GSN: variants seen among roughly 807,000 people sequenced by gnomAD.
The protein encoded by GSN is actin-depolymerizing factor.
GSN carries 56 observed loss-of-function variants against 85.7 expected under a neutral mutation model. That is an observed-to-expected ratio of 0.65 (90% CI 0.53 to 0.82). The LOEUF is 0.82. Ranked by LOEUF, GSN falls within the 40% of genes least tolerant of loss-of-function variation. The pLI, the probability that GSN is intolerant of heterozygous loss-of-function variation, is 0.00. For missense variants in GSN, 857 were observed against 979.8 expected, an observed-to-expected ratio of 0.87 and a Z score of 1.67; for synonymous variants, 373 against 399.1, an observed-to-expected ratio of 0.93 and a Z score of 0.78.
At position 121,312,753 on chromosome 9, in the gene GSN, G is replaced by A. The variant is rs143838857; in HGVS notation, c.663+265G>A. 472 of 270,524 alleles carry A rather than the reference G, an allele frequency of 1.7e-3. 5 individuals carry two copies. The highest frequency in any genetic ancestry group is 0.01 in the Admixed American group (201 of 19,882). 16.8% of individuals were successfully genotyped at this position (270,524 alleles called of 1,614,324 possible). Reference sequence around the variant, plus strand: ...AGTGATCCTCCTGCCTCAGCCTCCCGAGTAGCTGGGACCACAGGCGAGTGC... The same window carrying A: ...AGTGATCCTCCTGCCTCAGCCTCCCAAGTAGCTGGGACCACAGGCGAGTGC... On this transcript the variant is annotated intron_variant, in intron 6 of 17. Coordinates refer to ENST00000432226, the MANE Select transcript of GSN (RefSeq NM_198252.3).
intron 5 of GSN, among the ~76,000 whole-genome samples, chr9:121,244,898 G>A (rs1347692639): frequency 2.0e-5 from 3 of 151,956 alleles, no homozygotes; most frequent in Non-Finnish European, 4.4e-5. Flanking sequence ...TAGCAAAAGG[G>A]AAAGAATAGA....
At chr9:121,250,102 A>G (rs568939395) in intron 6 of GSN, among the ~76,000 whole-genome samples, 2 of 152,194 alleles carry the variant, frequency 1.3e-5, no homozygotes, top group Admixed American at 1.3e-4. Context: ...TCGTACTTTC[A>G]TACATTTGTC....
upstream of GSN, among the ~76,000 whole-genome samples, chr9:121,205,097 A>G (rs2053861433): frequency 6.6e-6 from 1 of 150,936 alleles, no homozygotes; most frequent in African/African-American, 2.4e-5. Flanking sequence ...ACCTTCTAGC[A>G]GGGAATTTGA....
At chr9:121,258,266 C>T (rs2055007824) in intron 6 of GSN, among the ~76,000 whole-genome samples, 1 of 152,186 alleles carries the variant, frequency 6.6e-6, no homozygotes, top group South Asian at 2.1e-4. Flanking sequence ...AGGCCAAGGC[C>T]ATCCTGGCCA....
chr9:121,232,982 C>A (rs1370781735), intron 5 of GSN, among the ~76,000 whole-genome samples: 1 of 152,198 alleles, frequency 6.6e-6, no homozygotes, highest in East Asian at 1.9e-4. Context: ...AAGACGGCTA[C>A]AAATTCCCTA....
intron 4 of GSN, chr9:121,222,957 CT>C (rs1478883781): frequency 6.6e-6 from 1 of 152,114 alleles, no homozygotes; most frequent in Non-Finnish European, 1.5e-5. Flanking sequence ...TGATTCTTCC[CT>C]TTGGGTGCGT....
At chr9:121,204,417 TA>T (rs1372034220), upstream of GSN, among the ~76,000 whole-genome samples, 32 of 152,376 alleles carry the variant, frequency 2.1e-4, no homozygotes, top group African/African-American at 7.2e-4. Context: ...TGAAAGACAT[TA>T]CACTTTGATG....
chr9:121,322,351 A>G (rs369797529), intron 11 of GSN, among the ~76,000 whole-genome samples: 3 of 152,246 alleles, frequency 2.0e-5, no homozygotes, highest in Admixed American at 2.0e-4. Context: ...CAATAATGTC[A>G]GTACATAGAG....
intron 5 of GSN, chr9:121,239,708 G>C: frequency 3.3e-6 from 1 of 302,828 alleles, no homozygotes; most frequent in East Asian, 9.5e-5. Flanking sequence ...GAGGACCTCT[G>C]TCAATGGGTT....
chr9:121,322,471 T>A (rs2062599664), intron 11 of GSN, among the ~76,000 whole-genome samples: 1 of 152,246 alleles, frequency 6.6e-6, no homozygotes, highest in East Asian at 1.9e-4. Flanking sequence ...TTGATTCCAG[T>A]CTTTCTCTAT....
chr9:121,326,449 C>A, intron 12 of GSN, 63 bp from the exon 13 acceptor site: 1 of 1,368,750 alleles, frequency 7.3e-7, no homozygotes, highest in Non-Finnish European at 1.0e-6. Flanking sequence ...GGGCCCAGTG[C>A]GACATAGAAG....
upstream of GSN, among the ~76,000 whole-genome samples, chr9:121,205,609 G>A (rs535704906): frequency 2.0e-5 from 3 of 152,182 alleles, no homozygotes; most frequent in Admixed American, 6.5e-5. Flanking sequence ...ATTGGAGTAC[G>A]GCAAAGAAGT....
chr9:121,272,136 G>A (rs1371235683), intron 1 of GSN, among the ~76,000 whole-genome samples: 2 of 152,214 alleles, frequency 1.3e-5, no homozygotes, highest in Non-Finnish European at 2.9e-5. Context: ...ATTTCAGCCT[G>A]ATGTGGTTTG....
intron 6 of GSN, among the ~76,000 whole-genome samples, chr9:121,253,874 T>C (rs1179935266): frequency 6.6e-6 from 1 of 152,210 alleles, no homozygotes; most frequent in Non-Finnish European, 1.5e-5. Context: ...CTCTTCCTTT[T>C]TGGTAAACTA....
rs1209249305 is a variant in GSN at position 121,299,086 on chromosome 9, G to GGA, written c.-9-2873_-9-2872dup. On this transcript the variant is annotated intron_variant, in intron 2 of 17. Transcript: ENST00000432226. The surrounding 1 kb of genome is among the most constrained non-coding windows in gnomAD (Gnocchi z 4.2). The stretch of plus-strand genomic sequence containing the variant: ...GGTAGATAGCAGTGGTTGCCCCTGG[G>GGA]GAGAGGTAAATGTGATGGAGAGGGA... Among the ~76,000 whole-genome samples, 6 of 152,218 alleles carry GGA rather than the reference G, an allele frequency of 3.9e-5. No individual in the cohort carries two copies. The highest frequency in any genetic ancestry group is 8.8e-5 in the Non-Finnish European group (6 of 68,034).
intron 7 of GSN, 106 bp from the exon 8 acceptor site, chr9:121,316,980 C>T: frequency 1.4e-6 from 2 of 1,420,356 alleles, no homozygotes; most frequent in Non-Finnish European, 2.0e-6. Context: ...CCAGGTGTTA[C>T]TCTACAGGGC....
chr9:121,251,200 T>TTTTTTTTTTTTTTTTTA (rs2054827074), intron 6 of GSN, among the ~76,000 whole-genome samples: 1 of 141,610 alleles, frequency 7.1e-6, no homozygotes, highest in Admixed American at 7.1e-5. Flanking sequence ...TTTTTTTTTT[T>TTTTTTTTTTTTTTTTTA]GAGATGGATT....
intron 3 of GSN, chr9:121,210,367 A>C (rs1564331424): frequency 6.6e-6 from 1 of 152,248 alleles, no homozygotes; most frequent in Non-Finnish European, 1.5e-5. Context: ...TCTGCTCCAA[A>C]GTAGCACACA....
At chr9:121,207,371 G>T (rs531624814), upstream of GSN, among the ~76,000 whole-genome samples, 6 of 152,256 alleles carry the variant, frequency 3.9e-5, no homozygotes, top group East Asian at 1.2e-3. Flanking sequence ...ATATGAAGGG[G>T]TACCAGCACA....
Sources: gnomAD v4.1 joint callset for allele counts (sites outside exome capture counted in the v4.1 genomes callset) on GRCh38, gnomAD v4.1.1 for gene constraint, Gnocchi (gnomAD v3.1) non-coding constraint, MANE v1.5 for transcripts, NCBI Gene and HGNC (gene_info 2026-07-23, HGNC 2026-07-21) for gene names.